ZFPM1: variants seen among roughly 807,000 people sequenced by gnomAD.
ZFPM1 encodes the protein zinc finger protein, FOG family member 1.
ZFPM1 carries 28 observed loss-of-function variants against 46.3 expected under a neutral mutation model. That is an observed-to-expected ratio of 0.60 (90% CI 0.45 to 0.83). The LOEUF (loss-of-function observed/expected upper bound fraction) is 0.83, where lower values mean the gene tolerates loss of function less well. ZFPM1 is among the 40% of genes least tolerant of loss of function. The probability of loss-of-function intolerance (pLI) is 0.00; values close to 1 mark genes in which losing one functional copy is unlikely to be tolerated. For synonymous variants in ZFPM1, 957 were observed against 675.9 expected (o/e 1.42, Z -6.45); for missense variants, 1,878 against 1,432.4 (o/e 1.31, Z -5.02).
chr16:88,499,033 T>C (rs989929721), intron 3 of ZFPM1, among the ~76,000 whole-genome samples: 3 of 152,174 alleles, frequency 2.0e-5, no homozygotes, highest in African/African-American at 7.2e-5. Flanking sequence ...AGGGTTGAGC[T>C]TGGGGCCAGA....
At chr16:88,504,531 C>T (rs910702873) in intron 3 of ZFPM1, among the ~76,000 whole-genome samples, 3 of 152,140 alleles carry the variant, frequency 2.0e-5, no homozygotes, top group East Asian at 3.9e-4. Context: ...CTGTGGCTTT[C>T]AGACTCCTCA....
chr16:88,458,657 C>T (rs1907664466), intron 1 of ZFPM1, among the ~76,000 whole-genome samples: 1 of 152,244 alleles, frequency 6.6e-6, no homozygotes. Context: ...TCACCAACCC[C>T]ATGGACCCGG....
chr16:88,526,421 G>A (rs1464956576), intron 4 of ZFPM1, among the ~76,000 whole-genome samples: 1 of 151,764 alleles, frequency 6.6e-6, no homozygotes, highest in Non-Finnish European at 1.5e-5. Context: ...CCAGCACTCT[G>A]GGGGCAAGGG....
intron 4 of ZFPM1, among the ~76,000 whole-genome samples, chr16:88,520,302 G>A (rs1015395006): frequency 2.0e-5 from 3 of 151,636 alleles, no homozygotes; most frequent in East Asian, 3.9e-4. Context: ...GTGGATGGAT[G>A]CGTGGGTGAG....
rs1206120058 is a variant in ZFPM1, at chr16:88,480,508, T to G, written c.41-5431T>G. Among the ~76,000 whole-genome samples, 1 of 152,164 alleles carries G rather than the reference T, an allele frequency of 6.6e-6. No homozygotes were observed. Among genetic ancestry groups the G allele is most frequent in the East Asian group, 1.9e-4 (1 of 5,190 alleles). ...AGTGGTCACCCGCCCCACCAGCTGC[T>G]CACATGGGGCCTGGGCAGGCACCTG... On this transcript the variant is annotated intron_variant, in intron 1 of 9. Transcript: ENST00000319555. The surrounding 1 kb of genome is among the most constrained non-coding windows in gnomAD (Gnocchi z 4.9).
chr16:88,470,022 T>C (rs890646793), intron 1 of ZFPM1, among the ~76,000 whole-genome samples: 1 of 151,860 alleles, frequency 6.6e-6, no homozygotes, highest in African/African-American at 2.4e-5. Context: ...CCATAAATAC[T>C]CCCCAGCTGA....
intron 3 of ZFPM1, among the ~76,000 whole-genome samples, chr16:88,509,448 T>C (rs1198559246): frequency 6.6e-6 from 1 of 152,120 alleles, no homozygotes; most frequent in African/African-American, 2.4e-5. Flanking sequence ...TACCAGCCAT[T>C]AGGCACACAG....
chr16:88,452,942 TC>T (rs1212897531), upstream of ZFPM1, among the ~76,000 whole-genome samples: 1 of 149,120 alleles, frequency 6.7e-6, no homozygotes, highest in East Asian at 2.0e-4. Flanking sequence ...GCTAGAGGTC[TC>T]CCCGGGGCGC....
intron 1 of ZFPM1, among the ~76,000 whole-genome samples, chr16:88,475,205 G>A (rs60676319): frequency 3.5e-4 from 54 of 152,364 alleles, no homozygotes; most frequent in African/African-American, 1.0e-3. Context: ...GCAGGTGGAC[G>A]CTCCCGTGGG....
At chr16:88,493,572 C>T (rs1909746656) in intron 3 of ZFPM1, among the ~76,000 whole-genome samples, 1 of 148,320 alleles carries the variant, frequency 6.7e-6, no homozygotes, top group Admixed American at 6.7e-5. Flanking sequence ...GAGAGCTGTC[C>T]CGGGGTGTGG....
chr16:88,460,570 G>A (rs1907772004), intron 1 of ZFPM1, among the ~76,000 whole-genome samples: 2 of 152,234 alleles, frequency 1.3e-5, no homozygotes, highest in African/African-American at 2.4e-5. Context: ...CAGCCTTCAT[G>A]TTTAGCACGT....
rs1018939891 is a variant in ZFPM1, at chr16:88,453,284, C to G, written c.-355C>G. On this transcript the variant is annotated 5_prime_UTR_variant, in exon 1 of 10. Transcript: ENST00000319555. The stretch of plus-strand genomic sequence containing the variant: ...CCGGCCCCGCCCCGTGCCTCCAGCC[C>G]GCCAGGAGCGCCCTCGCAGTGGCCG... The G allele has an allele frequency of 1.5e-4, 22 of 147,050 alleles. No homozygotes were observed. Among genetic ancestry groups the G allele is most frequent in the Admixed American group, 1.3e-3 (19 of 14,828 alleles). The allele number at this position is 147,050 out of a possible 1,614,324, so 9.1% of individuals were successfully genotyped here.
At position 88,535,943 on chromosome 16, in the gene ZFPM1, C is replaced by T. The variant is rs996934245; in HGVS notation, c.*964C>T. On this transcript the variant is annotated 3_prime_UTR_variant, in exon 10 of 10. Coordinates refer to ENST00000319555, the MANE Select transcript of ZFPM1 (RefSeq NM_153813.3). ...GCTTTCTCACTGGAGAACAAAAACA[C>T]TCTTCTATTCCCAACGTCACTTTAT... 5 of 152,214 alleles carry T rather than the reference C, an allele frequency of 3.3e-5. No individual in the cohort carries two copies. Among genetic ancestry groups the T allele is most frequent in the African/African-American group, 4.8e-5 (2 of 41,452 alleles). The allele number at this position is 152,214 out of a possible 1,614,324, so 9.4% of individuals were successfully genotyped here. A position where few individuals can be genotyped will look rare whatever the true frequency, so the allele number is the denominator to read the frequency against.
chr16:88,517,094 C>CT (rs1260951358), intron 4 of ZFPM1, among the ~76,000 whole-genome samples: 1 of 152,132 alleles, frequency 6.6e-6, no homozygotes, highest in Admixed American at 6.5e-5. Flanking sequence ...GGAAAGGGGC[C>CT]TGAGGGGCCC....
At position 88,508,714 on chromosome 16, in the gene ZFPM1, C is replaced by T. The variant is rs184986078; in HGVS notation, c.269-5673C>T. Among the ~76,000 whole-genome samples the T allele has an allele frequency of 3.8e-3, 578 of 152,304 alleles. 3 individuals are homozygous for T. The highest frequency in any genetic ancestry group is 9.3e-3 in the Admixed American group (143 of 15,306). On this transcript the variant is annotated intron_variant, in intron 3 of 9. Coordinates refer to ENST00000319555, the MANE Select transcript of ZFPM1 (RefSeq NM_153813.3). ...GGACACAGAGTTTGCGCGGAGGTCA[C>T]GGGGTGGGGGAGGAGCTACTTAGCC... is the stretch of plus-strand genomic sequence containing the variant.
Position 88,532,725 on chromosome 16 carries a change from G to A in ZFPM1, c.1042+16G>A, listed in dbSNP as rs1912891360. 2 of 1,612,174 alleles carry A rather than the reference G, an allele frequency of 1.2e-6. No homozygotes were observed. Among genetic ancestry groups the A allele is most frequent in the Non-Finnish European group, 1.7e-6 (2 of 1,179,558 alleles). ...ACGCTGAGCGGTAGGCACCGCAGGG[G>A]CCGGGGGGTGTGTGGGTCCCGCCTC... On this transcript the variant is annotated intron_variant, in intron 8 of 9. Transcript: ENST00000319555.
At chr16:88,515,691 G>C (rs1449052967) in intron 4 of ZFPM1, among the ~76,000 whole-genome samples, 2 of 152,238 alleles carry the variant, frequency 1.3e-5, no homozygotes, top group African/African-American at 4.8e-5. Flanking sequence ...CCGTGGCCTG[G>C]AGCAGGGAGG....
At position 88,489,324 on chromosome 16, in the gene ZFPM1, C is replaced by A. The variant is rs1056211296; in HGVS notation, c.268+171C>A. 86 of 1,108,594 alleles carry A rather than the reference C, an allele frequency of 7.8e-5. No individual in the cohort carries two copies. In the Middle Eastern group the frequency reaches 9.4e-4, roughly 12 times the overall value. 68.7% of individuals were successfully genotyped at this position (1,108,594 alleles called of 1,614,324 possible). On this transcript the variant is annotated intron_variant, in intron 3 of 9. Coordinates refer to ENST00000319555, the MANE Select transcript of ZFPM1 (RefSeq NM_153813.3). ...AGCCAACCCGTGCAGCTGGTGGTAT[C>A]ACTGGAGCTTGGCACCCTCGCGCCA... is the stretch of plus-strand genomic sequence containing the variant.
chr16:88,535,326 G>C lies in ZFPM1; in HGVS notation c.*347G>C, dbSNP rs1489014546. 3 of 183,974 alleles carry C rather than the reference G, an allele frequency of 1.6e-5. No individual in the cohort carries two copies. Among genetic ancestry groups the C allele is most frequent in the Non-Finnish European group, 3.4e-5 (3 of 88,772 alleles). The allele number at this position is 183,974 out of a possible 1,614,324, so 11.4% of individuals were successfully genotyped here. ...GAGCTAGACCGAGCGTCAGGTCGGA[G>C]GCCACAGCACACACTGAACCACTGC... On this transcript the variant is annotated 3_prime_UTR_variant, in exon 10 of 10. Coordinates refer to ENST00000319555, the MANE Select transcript of ZFPM1 (RefSeq NM_153813.3).
Sources: allele counts gnomAD v4.1 joint callset (sites outside exome capture counted in the v4.1 genomes callset), GRCh38; gene constraint gnomAD v4.1.1; non-coding constraint Gnocchi (gnomAD v3.1); transcripts MANE v1.5; gene names NCBI Gene and HGNC (gene_info 2026-07-23, HGNC 2026-07-21).